Variants in ZFAT observed in about 807,000 individuals in gnomAD.
The protein encoded by ZFAT is zinc finger protein ZFAT.
A neutral mutation model predicts 117.7 loss-of-function variants in ZFAT; 64 were observed. That is an observed-to-expected ratio of 0.54 (90% CI 0.44 to 0.67). The LOEUF (loss-of-function observed/expected upper bound fraction) is 0.67, where lower values mean the gene tolerates loss of function less well. Among genes scored for constraint, ZFAT ranks in the 30% least tolerant of loss-of-function variants. The pLI, the probability that ZFAT is intolerant of heterozygous loss-of-function variation, is 0.00. For synonymous variants in ZFAT, 679 were observed against 615.0 expected (o/e 1.10, Z -1.54); for missense variants, 1,433 against 1,584.5 (o/e 0.90, Z 1.62).
At chr8:134,829,287 G>T in the ZFAT span, among the ~76,000 whole-genome samples, 504 of 152,314 alleles carry the variant, frequency 3.3e-3, 2 homozygotes, top group African/African-American at 0.012. Flanking sequence ...ATTAGTTATT[G>T]TTAATGCATT....
At chr8:134,762,340 A>G in the ZFAT span, among the ~76,000 whole-genome samples, 1 of 152,200 alleles carries the variant, frequency 6.6e-6, no homozygotes, top group Non-Finnish European at 1.5e-5. Flanking sequence ...CCACAGTGTC[A>G]TTCATTCAGC....
chr8:134,661,923 G>A (rs144862580), intron 1 of ZFAT, among the ~76,000 whole-genome samples: 1 of 152,334 alleles, frequency 6.6e-6, no homozygotes, highest in Non-Finnish European at 1.5e-5. Flanking sequence ...AGCACGCAAG[G>A]AGGAACATCA....
chr8:134,531,580 G>C (rs368380795), intron 12 of ZFAT, among the ~76,000 whole-genome samples: 2 of 152,226 alleles, frequency 1.3e-5, no homozygotes, highest in Non-Finnish European at 2.9e-5. Flanking sequence ...GAGCCTAAGA[G>C]GGAGAGCTTG....
At chr8:134,711,851 C>T (rs532595275) in intron 1 of ZFAT, among the ~76,000 whole-genome samples, 137 of 152,160 alleles carry the variant, frequency 9.0e-4, no homozygotes, top group Middle Eastern at 6.8e-3. Context: ...GAAAGGTGTC[C>T]CTGGGGGTTA....
intron 1 of ZFAT, among the ~76,000 whole-genome samples, chr8:134,665,302 C>A (rs1431444100): frequency 6.6e-6 from 1 of 152,214 alleles, no homozygotes; most frequent in Admixed American, 6.5e-5. Context: ...CTCTGAGGGA[C>A]CCCTCCCCAA....
Position 134,635,359 on chromosome 8 carries a change from A to G in ZFAT, c.448+2102T>C, listed in dbSNP as rs142076656. ...GCAAAGTCTCTGATTTCTAGCCACAATTGTGCAGAAAGTCCAGGAGTGTCT... is the reference window on the plus strand; with the variant it reads ...GCAAAGTCTCTGATTTCTAGCCACAGTTGTGCAGAAAGTCCAGGAGTGTCT... On this transcript the variant is annotated intron_variant, in intron 3 of 15. Coordinates refer to ENST00000377838, the MANE Select transcript of ZFAT (RefSeq NM_020863.4). 9.2e-5 allele frequency among the ~76,000 whole-genome samples: 14 copies of G among 152,328 alleles called. No individual in the cohort carries two copies. In the East Asian group the frequency reaches 1.7e-3, roughly 19 times the overall value.
chr8:134,565,401 C>T lies in ZFAT; in HGVS notation c.2908G>A (p.Val970Met), dbSNP rs1260299768. ...TADGKQFKCTVCDYTAAQKPQ... is the reference protein window; with the variant it reads ...TADGKQFKCTMCDYTAAQKPQ... ...TTCTGGGCCGCTGTGTAGTCACACA[C>T]CGTGCACTTAAACTGCTTCCCTGGA... The change falls in exon 11 of 16, where the codon GTG (valine) becomes ATG (methionine). Residue 970 changes from valine to methionine, a missense_variant. Transcript: ENST00000377838. 1 of 1,613,770 alleles carries T rather than the reference C, an allele frequency of 6.2e-7. No homozygotes were observed. The highest frequency in any genetic ancestry group is 8.5e-7 in the Non-Finnish European group (1 of 1,179,828).
rs975026022 is a variant in ZFAT, at chr8:134,478,466, C to T, written c.*16G>A. The T allele has an allele frequency of 1.4e-5, 22 of 1,551,538 alleles. No homozygotes were observed. Among genetic ancestry groups the T allele is most frequent in the Admixed American group, 3.9e-5 (2 of 51,416 alleles). On this transcript the variant is annotated 3_prime_UTR_variant, in exon 16 of 16. Coordinates refer to ENST00000377838, the MANE Select transcript of ZFAT (RefSeq NM_020863.4). The surrounding 1 kb of genome is among the most constrained non-coding windows in gnomAD (Gnocchi z 5.2). ...CTGGCAGCCCCGCCCTGTGGCCATC[C>T]GATGCCACATGTCCTCTAGAGTTCC... is the stretch of plus-strand genomic sequence containing the variant.
At chr8:134,556,352 G>GTTAA (rs1382453355) in intron 11 of ZFAT, among the ~76,000 whole-genome samples, 1 of 152,034 alleles carries the variant, frequency 6.6e-6, no homozygotes, top group East Asian at 1.9e-4. Flanking sequence ...ATACATATGT[G>GTTAA]TTAATATATG....
chr8:134,574,848 T>A (rs982909104), intron 10 of ZFAT, among the ~76,000 whole-genome samples: 14 of 152,142 alleles, frequency 9.2e-5, no homozygotes, highest in Non-Finnish European at 1.8e-4. Flanking sequence ...AAAGGTGGTA[T>A]TTTACATAAG....
chr8:134,698,020 G>A (rs534539114), intron 1 of ZFAT, among the ~76,000 whole-genome samples: 31 of 151,180 alleles, frequency 2.1e-4, no homozygotes, highest in African/African-American at 5.8e-4. Context: ...TCAGGAACAC[G>A]CAGAAGGAGG....
At chr8:134,755,458 A>G in the ZFAT span, among the ~76,000 whole-genome samples, 2 of 150,576 alleles carry the variant, frequency 1.3e-5, no homozygotes, top group African/African-American at 2.4e-5. Context: ...TTTTGGTTAC[A>G]TGGATGAATT....
At chr8:134,628,377 C>T (rs1285749153) in intron 3 of ZFAT, among the ~76,000 whole-genome samples, 4 of 152,120 alleles carry the variant, frequency 2.6e-5, no homozygotes, top group African/African-American at 9.7e-5. Context: ...AGTCAGGGTG[C>T]AGAGCAGGCA....
chr8:134,637,560 C>T lies in ZFAT; in HGVS notation c.349G>A (p.Glu117Lys), dbSNP rs1473783234. The change falls in exon 3 of 16, where the codon GAG becomes AAG. Residue 117 changes from glutamate to lysine, a missense_variant. By Grantham distance (56) the Glu-to-Lys change is moderately conservative (BLOSUM62 1). Around this residue, in one of 5 missense-constraint regions of ZFAT, gnomAD observed 436 missense variants for 482.0 expected, o/e 0.90. Coordinates refer to ENST00000377838, the MANE Select transcript of ZFAT (RefSeq NM_020863.4). Reference sequence around the variant, plus strand: ...AACTTCCGACAGCACTTGCTACACTCCAAGCTGCTTGGAGGCAGGCTGTTC... The same window carrying T: ...AACTTCCGACAGCACTTGCTACACTTCAAGCTGCTTGGAGGCAGGCTGTTC... ...EGNSLPPSSLECSKCCRKFSN... is the reference protein window; with the variant it reads ...EGNSLPPSSLKCSKCCRKFSN... 3 of 1,614,132 alleles carry T rather than the reference C, an allele frequency of 1.9e-6. No homozygotes were observed. The highest frequency in any genetic ancestry group is 2.5e-6 in the Non-Finnish European group (3 of 1,180,052).
At chr8:134,639,388 CA>C (rs2131117401) in intron 2 of ZFAT, among the ~76,000 whole-genome samples, 1 of 152,298 alleles carries the variant, frequency 6.6e-6, no homozygotes, top group South Asian at 2.1e-4. Flanking sequence ...CTGAAAGATC[CA>C]AACCAGAGTC....
chr8:134,528,996 A>T (rs1821217712), intron 12 of ZFAT, among the ~76,000 whole-genome samples: 1 of 152,144 alleles, frequency 6.6e-6, no homozygotes, highest in Non-Finnish European at 1.5e-5. Context: ...TACTGTCGGC[A>T]CTCTCTGGGA....
At chr8:134,560,152 C>T (rs1483178316) in intron 11 of ZFAT, among the ~76,000 whole-genome samples, 1 of 152,126 alleles carries the variant, frequency 6.6e-6, no homozygotes, top group Non-Finnish European at 1.5e-5. Flanking sequence ...AATGGCAGAT[C>T]TCACAAACCA....
At chr8:134,605,118 C>G (rs1032959666) in intron 5 of ZFAT, among the ~76,000 whole-genome samples, 1 of 152,200 alleles carries the variant, frequency 6.6e-6, no homozygotes, top group African/African-American at 2.4e-5. Context: ...TACACAGCCT[C>G]CATCTGACCC....
chr8:134,566,393 C>CAAAAAAAAAAAAAAAAAAAA (rs57041885), intron 10 of ZFAT, among the ~76,000 whole-genome samples: 26 of 77,250 alleles, frequency 3.4e-4, no homozygotes, highest in East Asian at 6.6e-4. Context: ...GACTCCAACT[C>CAAAAAAAAAAAAAAAAAAAA]AAAAAAAAAA....
Sources: gnomAD v4.1 joint callset for allele counts (sites outside exome capture counted in the v4.1 genomes callset) on GRCh38, gnomAD v4.1.1 for gene constraint, gnomAD v4.1.1 regional missense constraint, Gnocchi (gnomAD v3.1) non-coding constraint, MANE v1.5 for transcripts, NCBI Gene and HGNC (gene_info 2026-07-23, HGNC 2026-07-21) for gene names.